The following NAV1 variants were observed in gnomAD, a reference collection of about 807,000 sequenced individuals.
The protein encoded by NAV1 is neuron navigator 1.
Under a neutral mutation model 175.2 loss-of-function variants are expected in NAV1, and 18 were observed. That is an observed-to-expected ratio of 0.10 (90% CI 0.07 to 0.15). The LOEUF is 0.15. Among genes scored for constraint, NAV1 ranks in the 10% least tolerant of loss-of-function variants. NAV1 has a pLI of 1.00. For synonymous variants in NAV1, 897 were observed against 978.7 expected (o/e 0.92, Z 1.56); for missense variants, 1,731 against 2,436.6 (o/e 0.71, Z 6.10).
intron 1 of NAV1, among the ~76,000 whole-genome samples, chr1:201,625,957 C>T (rs1232576951): frequency 2.6e-5 from 4 of 152,236 alleles, no homozygotes; most frequent in Non-Finnish European, 5.9e-5. Flanking sequence ...GTCACACCAC[C>T]CTACCTCCTA....
exon 30 of NAV1, chr1:201,826,458 C>T (rs894263535): frequency 1.4e-4 from 21 of 152,244 alleles, no homozygotes; most frequent in African/African-American, 4.6e-4. Context: ...ATTCCAACCC[C>T]TGCTAGCTTC....
Position 201,718,963 on chromosome 1 carries a change from T to A in NAV1, c.1226+208T>A, listed in dbSNP as rs933503293. On this transcript the variant is annotated intron_variant, in intron 3 of 29. Coordinates refer to ENST00000367296, the Ensembl canonical transcript of NAV1. This position sits in a 1 kb window ranked among gnomAD's most constrained non-coding sequence, Gnocchi z 4.8. ...ACTTGGGTGTGGTGTAGGCAGGGCC[T>A]ACATCCAAGGAGCTGATTGGTCAAT... Among the ~76,000 whole-genome samples the A allele has an allele frequency of 6.6e-6, 1 of 152,048 alleles. No homozygotes were observed. Among genetic ancestry groups the A allele is most frequent in the Non-Finnish European group, 1.5e-5 (1 of 67,998 alleles).
chr1:201,748,141 C>T (rs1226143859), intron 3 of NAV1, among the ~76,000 whole-genome samples: 1 of 152,160 alleles, frequency 6.6e-6, no homozygotes, highest in Non-Finnish European at 1.5e-5. Context: ...ATTACCTTTG[C>T]AGTATATGAG....
At chr1:201,561,791 C>A (rs1666207465) in intron 1 of NAV1, among the ~76,000 whole-genome samples, 1 of 152,194 alleles carries the variant, frequency 6.6e-6, no homozygotes, top group Non-Finnish European at 1.5e-5. Context: ...AGATTAGGAA[C>A]TGTGCCTTGC....
intron 2 of NAV1, among the ~76,000 whole-genome samples, chr1:201,632,876 C>T (rs941324198): frequency 2.6e-5 from 4 of 152,218 alleles, no homozygotes; most frequent in Non-Finnish European, 5.9e-5. Flanking sequence ...TGAAGTTTTT[C>T]ATGCCTTATG....
At chr1:201,819,194 A>G (rs1458703790) in intron 29 of NAV1, among the ~76,000 whole-genome samples, 1 of 152,214 alleles carries the variant, frequency 6.6e-6, no homozygotes, top group Non-Finnish European at 1.5e-5. Flanking sequence ...CATTCCTCCC[A>G]GTATTCGTTG....
chr1:201,809,187 A>G (rs771389771), exon 21 of NAV1: 2 of 1,613,862 alleles, frequency 1.2e-6, no homozygotes, highest in East Asian at 2.2e-5. Context: ...GGATGGCATC[A>G]GTACTTGTGG....
intron 1 of NAV1, among the ~76,000 whole-genome samples, chr1:201,702,830 T>C (rs1671496780): frequency 6.6e-6 from 1 of 152,136 alleles, no homozygotes; most frequent in South Asian, 2.1e-4. Context: ...TATATGTCCT[T>C]GGACAGCTTA....
intron 3 of NAV1, among the ~76,000 whole-genome samples, chr1:201,777,929 A>G (rs1346906699): frequency 1.3e-5 from 2 of 152,086 alleles, no homozygotes; most frequent in East Asian, 3.8e-4. Context: ...AGTGAGAGGA[A>G]AGAAAGAAAG....
intron 3 of NAV1, among the ~76,000 whole-genome samples, chr1:201,775,565 A>G (rs1675883302): frequency 6.6e-6 from 1 of 152,190 alleles, no homozygotes; most frequent in Non-Finnish European, 1.5e-5. Context: ...CACATCTCAG[A>G]AGGTCTATAA....
upstream of NAV1, among the ~76,000 whole-genome samples, chr1:201,645,258 G>A (rs1451291293): frequency 6.6e-6 from 1 of 151,910 alleles, no homozygotes; most frequent in Non-Finnish European, 1.5e-5. Flanking sequence ...GTAGGGACAT[G>A]GATGAAACTG....
intron 2 of NAV1, among the ~76,000 whole-genome samples, chr1:201,592,377 A>T (rs1314753198): frequency 6.6e-6 from 1 of 152,190 alleles, no homozygotes; most frequent in Non-Finnish European, 1.5e-5. Context: ...CAGAACAAGC[A>T]GAACTCCATC....
rs974531091 is a variant in NAV1, at chr1:201,603,059, C to T, written c.-33+14410C>T. On this transcript the variant is annotated intron_variant, in intron 2 of 33. Coordinates refer to the NAV1 transcript ENST00000685211. ...TGTGAGTCACTGCTCTCCTGCCTGC[C>T]GCCCCAGTCCTGGCGTGAACCTAGA... 5.3e-5 allele frequency among the ~76,000 whole-genome samples: 8 copies of T among 152,302 alleles called. No homozygotes were observed. The South Asian group carries it at 1.2e-3, about 24-fold the overall frequency.
intron 3 of NAV1, among the ~76,000 whole-genome samples, chr1:201,746,269 A>G (rs561505824): frequency 6.6e-6 from 1 of 152,330 alleles, no homozygotes; most frequent in South Asian, 2.1e-4. Context: ...TCTTTTGATG[A>G]TGACAAAAAA....
intron 1 of NAV1, among the ~76,000 whole-genome samples, chr1:201,695,753 C>T (rs11799851): frequency 5.1e-4 from 78 of 152,318 alleles, no homozygotes; most frequent in African/African-American, 1.9e-3. Flanking sequence ...CACTCCATTG[C>T]CTCTTCTTGT....
chr1:201,663,984 C>G (rs1324967500), intron 1 of NAV1, among the ~76,000 whole-genome samples: 1 of 152,166 alleles, frequency 6.6e-6, no homozygotes, highest in Non-Finnish European at 1.5e-5. Flanking sequence ...CGTAAAGTTC[C>G]CAGCTTCTCA....
At chr1:201,685,069 G>T (rs1670632240) in intron 1 of NAV1, among the ~76,000 whole-genome samples, 1 of 41,318 alleles carries the variant, frequency 2.4e-5, no homozygotes, top group Non-Finnish European at 5.0e-5. Context: ...CTTGAGGTCA[G>T]AAATTCGCAC....
upstream of NAV1, chr1:201,622,858 T>A (rs1014653994): frequency 5.1e-6 from 5 of 985,824 alleles, no homozygotes; most frequent in African/African-American, 1.7e-5. Context: ...TGCAGGACAG[T>A]AGCCCACACT....
At chr1:201,752,905 G>T (rs193223714) in intron 3 of NAV1, among the ~76,000 whole-genome samples, 30 of 152,010 alleles carry the variant, frequency 2.0e-4, no homozygotes, top group African/African-American at 6.0e-4. Flanking sequence ...TTTATTTTTG[G>T]TGACCACTGT....
Sources: gnomAD v4.1 joint callset for allele counts (sites outside exome capture counted in the v4.1 genomes callset) on GRCh38, gnomAD v4.1.1 for gene constraint, Gnocchi (gnomAD v3.1) non-coding constraint, MANE v1.5 for transcripts, NCBI Gene and HGNC (gene_info 2026-07-23, HGNC 2026-07-21) for gene names.